The following PLB1 variants were observed in gnomAD, a reference collection of about 807,000 sequenced individuals.
PLB1 encodes phospholipase B1.
PLB1 carries 242 observed loss-of-function variants against 227.4 expected under a neutral mutation model. The observed-to-expected ratio is 1.06, with a 90% CI of 0.96 to 1.18. The LOEUF (loss-of-function observed/expected upper bound fraction) is 1.18, where lower values mean the gene tolerates loss of function less well. Among genes scored for constraint, PLB1 ranks in the 50% most tolerant of loss-of-function variants. PLB1 has a pLI of 0.00. For synonymous variants in PLB1, 757 were observed against 682.2 expected (o/e 1.11, Z -1.71); for missense variants, 1,858 against 1,816.3 (o/e 1.02, Z -0.42).
chr2:28,529,642 A>G (rs1670746532), intron 7 of PLB1, 86 bp from the exon 8 acceptor site: 20 of 1,371,508 alleles, frequency 1.5e-5, no homozygotes, highest in Middle Eastern at 3.6e-4. Context: ...AGAGACTGAC[A>G]CCTGAGCTAT....
At chr2:28,564,875 G>A (rs1676627189) in intron 18 of PLB1, among the ~76,000 whole-genome samples, 1 of 151,866 alleles carries the variant, frequency 6.6e-6, no homozygotes, top group Non-Finnish European at 1.5e-5. Flanking sequence ...AACTGCATAG[G>A]TGAGATATAT....
At chr2:28,624,368 T>C (rs1687442647) in intron 49 of PLB1, among the ~76,000 whole-genome samples, 1 of 151,824 alleles carries the variant, frequency 6.6e-6, no homozygotes, top group African/African-American at 2.4e-5. Flanking sequence ...GATGCATCCA[T>C]GTTATTCGGT....
chr2:28,600,822 C>G lies in PLB1; in HGVS notation c.2488C>G (p.Gln830Glu). The G allele has an allele frequency of 6.2e-7, 1 of 1,613,290 alleles. No individual in the cohort carries two copies. The highest frequency in any genetic ancestry group is 1.3e-5 in the African/African-American group (1 of 75,008). Residue 830 changes from glutamine (Q) to glutamate (E), a missense_variant, in exon 36 of 58, where the codon CAA becomes GAA. Gln to Glu is a conservative substitution (Grantham distance 29, BLOSUM62 2). Transcript: ENST00000327757. Reference protein sequence around the residue: ...PGAKAEDLMSQVQTLMQKMKD... With the variant: ...PGAKAEDLMSEVQTLMQKMKD... ...TCTCTTTCTCAGGGATCTTATGAGC[C>G]AAGTCCAAACTCTGATGCAGAAGAT... is the stretch of plus-strand genomic sequence containing the variant.
intron 4 of PLB1, among the ~76,000 whole-genome samples, chr2:28,523,801 C>T (rs992736547): frequency 3.3e-5 from 5 of 152,228 alleles, no homozygotes; most frequent in Non-Finnish European, 4.4e-5. Flanking sequence ...TGAAATCAGA[C>T]TTCAAGTAAG....
intron 33 of PLB1, chr2:28,596,121 A>C (rs1334039426): frequency 6.6e-6 from 1 of 152,238 alleles, no homozygotes; most frequent in African/African-American, 2.4e-5. Context: ...CTCCTTCAAC[A>C]AATGTTACTG....
At chr2:28,552,397 G>A (rs1375295907) in intron 16 of PLB1, among the ~76,000 whole-genome samples, 2 of 152,204 alleles carry the variant, frequency 1.3e-5, no homozygotes, top group East Asian at 3.9e-4. Context: ...CTTAGGCCAT[G>A]CTAGGGAGAT....
At chr2:28,516,285 C>T (rs1012387913) in intron 1 of PLB1, among the ~76,000 whole-genome samples, 1 of 152,216 alleles carries the variant, frequency 6.6e-6, no homozygotes, top group Non-Finnish European at 1.5e-5. Flanking sequence ...CTTCCCCTTA[C>T]TCCTCACGTT....
At chr2:28,598,275 G>T (rs558650623) in intron 34 of PLB1, among the ~76,000 whole-genome samples, 38 of 152,292 alleles carry the variant, frequency 2.5e-4, no homozygotes, top group Non-Finnish European at 4.1e-4. Context: ...CCCTGGTGCT[G>T]GGTTCAATCT....
At chr2:28,559,236 G>C (rs1205131731) in intron 17 of PLB1, among the ~76,000 whole-genome samples, 1 of 152,210 alleles carries the variant, frequency 6.6e-6, no homozygotes, top group Non-Finnish European at 1.5e-5. Flanking sequence ...TGGACTGGCA[G>C]CATCAGCATT....
At chr2:28,606,613 C>T (rs1311921956) in intron 43 of PLB1, 46 bp downstream of exon 43, 1 of 1,556,828 alleles carries the variant, frequency 6.4e-7, no homozygotes, top group Non-Finnish European at 8.9e-7. Flanking sequence ...AACCAGGGCA[C>T]ACAGCTCGCC....
At chr2:28,538,628 T>C (rs1294710389) in intron 10 of PLB1, among the ~76,000 whole-genome samples, 1 of 152,176 alleles carries the variant, frequency 6.6e-6, no homozygotes, top group Non-Finnish European at 1.5e-5. Flanking sequence ...GTGGCCCTGC[T>C]CTTCCCTAAG....
At chr2:28,510,183 T>C (rs1406687579) in intron 1 of PLB1, among the ~76,000 whole-genome samples, 6 of 152,224 alleles carry the variant, frequency 3.9e-5, no homozygotes. Flanking sequence ...AGTCAGACAC[T>C]GTGCTGGATG....
intron 51 of PLB1, 100 bp from the exon 52 acceptor site, chr2:28,628,463 A>T: frequency 9.7e-7 from 1 of 1,036,228 alleles, no homozygotes; most frequent in Non-Finnish European, 1.5e-6. Flanking sequence ...CTCTGTACCC[A>T]CTCAGTCATT....
chr2:28,562,923 G>A, intron 17 of PLB1, 118 bp from the exon 18 acceptor site: 1 of 928,562 alleles, frequency 1.1e-6, no homozygotes, highest in East Asian at 2.4e-5. Flanking sequence ...AGGTGTCTTG[G>A]TGGTAAAAAC....
intron 1 of PLB1, among the ~76,000 whole-genome samples, chr2:28,512,432 G>A (rs890085479): frequency 6.6e-6 from 1 of 152,120 alleles, no homozygotes; most frequent in Admixed American, 6.5e-5. Context: ...TCCAACATCT[G>A]TGTCAACTTA....
intron 1 of PLB1, among the ~76,000 whole-genome samples, chr2:28,498,704 G>T (rs916117227): frequency 6.6e-6 from 1 of 151,968 alleles, no homozygotes; most frequent in Non-Finnish European, 1.5e-5. Context: ...TCTCTTTTTT[G>T]CTCTATTAGT....
At chr2:28,523,210 A>G (rs1461319030) in intron 4 of PLB1, among the ~76,000 whole-genome samples, 3 of 148,828 alleles carry the variant, frequency 2.0e-5, no homozygotes, top group Non-Finnish European at 4.5e-5. Context: ...CCTCTACCTC[A>G]ACAAACATAC....
chr2:28,629,169 G>T lies in PLB1; in HGVS notation c.3802G>T (p.Ala1268Ser). The T allele has an allele frequency of 1.2e-6, 2 of 1,613,790 alleles. No individual in the cohort carries two copies. Among genetic ancestry groups the T allele is most frequent in the Admixed American group, 1.7e-5 (1 of 60,006 alleles). The change falls in exon 53 of 58, where the codon GCC becomes TCC. Residue 1268 changes from alanine to serine, a missense_variant. By Grantham distance (99) the Ala-to-Ser change is moderately conservative. Coordinates refer to ENST00000327757, the MANE Select transcript of PLB1 (RefSeq NM_153021.5). Reference protein sequence around the residue: ...SLYQGQGGKCAMLAAQNNCTC... With the variant: ...SLYQGQGGKCSMLAAQNNCTC... ...GTACCAGGGCCAAGGCGGGAAATGT[G>T]CCATGCTGGCAGCTCAGTAAGTGGA... is the stretch of plus-strand genomic sequence containing the variant.
Position 28,617,583 on chromosome 2 carries a change from C to CA in PLB1, c.3196-143dup, listed in dbSNP as rs918232455. On this transcript the variant is annotated intron_variant, in intron 44 of 57. Coordinates refer to ENST00000327757, the MANE Select transcript of PLB1 (RefSeq NM_153021.5). ...TTTCCCTCCTAGCCCACCTATAACT[C>CA]ACAGTTCTTTCCCTCACATGATCCT... is the stretch of plus-strand genomic sequence containing the variant. The CA allele has an allele frequency of 1.1e-4, 86 of 775,128 alleles. No homozygotes were observed. In the African/African-American group the frequency reaches 1.3e-3, roughly 12 times the overall value. 48.0% of individuals were successfully genotyped at this position (775,128 alleles called of 1,614,324 possible). A position where few individuals can be genotyped will look rare whatever the true frequency, so the allele number is the denominator to read the frequency against.
Sources: allele counts gnomAD v4.1 joint callset (sites outside exome capture counted in the v4.1 genomes callset), GRCh38; gene constraint gnomAD v4.1.1; transcripts MANE v1.5; gene names NCBI Gene and HGNC (gene_info 2026-07-23, HGNC 2026-07-21).